Variants in GBF1 observed in about 807,000 individuals in gnomAD.
GBF1 encodes Golgi-specific brefeldin A-resistance guanine nucleotide exchange factor 1.
In GBF1, 114 loss-of-function variants were observed where a neutral mutation model predicts 210.5. That is an observed-to-expected ratio of 0.54 (90% CI 0.47 to 0.63). The LOEUF (loss-of-function observed/expected upper bound fraction) is 0.63. Among genes scored for constraint, GBF1 ranks in the 30% least tolerant of loss-of-function variants. The pLI is 0.00. For synonymous variants in GBF1, 850 were observed against 889.2 expected (o/e 0.96, Z 0.78); for missense variants, 1,851 against 2,357.7 (o/e 0.79, Z 4.45).
At chr10:102,376,249 G>T (rs1213913017) in intron 30 of GBF1, 23 bp from the exon 31 acceptor site, 4 of 1,608,310 alleles carry the variant, frequency 2.5e-6, no homozygotes, top group Middle Eastern at 1.7e-4. Flanking sequence ...CCCTGACTCT[G>T]CCCTTCTCCC....
chr10:102,366,236 TAGGGA>T lies in GBF1; in HGVS notation c.2310-146_2310-142del. 11 of 739,326 alleles carry T rather than the reference TAGGGA, an allele frequency of 1.5e-5. No homozygotes were observed. The highest frequency in any genetic ancestry group is 2.5e-5 in the Non-Finnish European group (11 of 438,808). The allele number at this position is 739,326 out of a possible 1,614,324, so 45.8% of individuals were successfully genotyped here. Reference sequence around the variant, plus strand: ...AAAGTATTAAGGCTAGGGGTTGTGTTAGGGATGAACAGGAGATACTGCCCCTTTAC... The same window carrying T: ...AAAGTATTAAGGCTAGGGGTTGTGTTTGAACAGGAGATACTGCCCCTTTAC... On this transcript the variant is annotated intron_variant, in intron 18 of 39. Transcript: ENST00000369983. The surrounding 1 kb of genome is among the most constrained non-coding windows in gnomAD (Gnocchi z 4.0).
At chr10:102,345,309 AATG>A (rs2058468954) in intron 4 of GBF1, among the ~76,000 whole-genome samples, 2 of 151,736 alleles carry the variant, frequency 1.3e-5, no homozygotes, top group South Asian at 4.2e-4. Context: ...AATAGAATAA[AATG>A]AAATAAAAAT....
intron 14 of GBF1, 97 bp from the exon 15 acceptor site, chr10:102,362,378 A>G (rs1305177121): frequency 2.3e-6 from 2 of 877,266 alleles, no homozygotes; most frequent in Non-Finnish European, 3.7e-6. Context: ...TCTAAGGGCA[A>G]TGTACAAGTT....
intron 3 of GBF1, among the ~76,000 whole-genome samples, chr10:102,276,505 G>A (rs1312465061): frequency 6.9e-6 from 1 of 144,380 alleles, no homozygotes; most frequent in East Asian, 2.0e-4. Flanking sequence ...CAGCCTGGGC[G>A]ACAGAGCTAG....
At chr10:102,305,101 G>A (rs2077730078) in intron 3 of GBF1, among the ~76,000 whole-genome samples, 1 of 152,086 alleles carries the variant, frequency 6.6e-6, no homozygotes, top group South Asian at 2.1e-4. Flanking sequence ...GAAGGATTGA[G>A]ATCAGGCATT....
Position 102,371,016 on chromosome 10 carries a change from A to T in GBF1, c.3660+156A>T, listed in dbSNP as rs544930395. Among the ~76,000 whole-genome samples the T allele has an allele frequency of 3.3e-5, 5 of 152,290 alleles. No homozygotes were observed. The South Asian group carries it at 1.0e-3, about 32-fold the overall frequency. ...GGGCTGGTGCAGTCTAGCGGGTGGT[A>T]CTGGGAGTGAGCCTGGAATGGCCTC... On this transcript the variant is annotated intron_variant, in intron 29 of 39. Transcript: ENST00000369983.
At chr10:102,277,429 A>C (rs1293672391) in intron 3 of GBF1, among the ~76,000 whole-genome samples, 25 of 146,150 alleles carry the variant, frequency 1.7e-4, no homozygotes, top group African/African-American at 6.1e-4. Flanking sequence ...TCGCTCTGTC[A>C]CCCAGGCTGG....
At chr10:102,340,536 G>A (rs1447371047) in intron 3 of GBF1, among the ~76,000 whole-genome samples, 1 of 151,200 alleles carries the variant, frequency 6.6e-6, no homozygotes, top group Non-Finnish European at 1.5e-5. Flanking sequence ...GCCTCCCAAA[G>A]TGCTGGGATT....
chr10:102,252,024 A>C (rs746881746), intron 1 of GBF1, among the ~76,000 whole-genome samples: 13 of 152,042 alleles, frequency 8.6e-5, no homozygotes, highest in Non-Finnish European at 1.6e-4. Context: ...CCCCAACTCT[A>C]CTAAAAATAC....
At chr10:102,265,624 A>G (rs2073779572) in intron 3 of GBF1, among the ~76,000 whole-genome samples, 1 of 152,242 alleles carries the variant, frequency 6.6e-6, no homozygotes, top group Middle Eastern at 3.4e-3. Flanking sequence ...GTTCGAGGTT[A>G]CAGTGACCCA....
chr10:102,306,974 C>T (rs1392497702), intron 3 of GBF1, among the ~76,000 whole-genome samples: 1 of 152,152 alleles, frequency 6.6e-6, no homozygotes, highest in African/African-American at 2.4e-5. Flanking sequence ...TCTGTAATGA[C>T]CATGGAAAGC....
In GBF1 at chr10:102,379,573, G is replaced by T. The variant is rs371868617; in HGVS notation, c.4698G>T (p.Leu1566=). 6.2e-6 allele frequency: 10 copies of T among 1,613,882 alleles called. No individual in the cohort carries two copies. The highest frequency in any genetic ancestry group is 1.1e-5 in the South Asian group (1 of 91,056). The change falls in exon 35 of 40, where the codon CTG becomes CTT. Residue 1566 remains leucine, a synonymous_variant. Transcript: ENST00000369983. ...GGCGCCAGGTACGGATGCAGGCACT[G>T]ACCTATCTGCAGCGAGCACTACTTG... ...DARRQVRMQA[L]TYLQRALLVH...
chr10:102,276,525 C>CAAAA (rs67888654), intron 3 of GBF1, among the ~76,000 whole-genome samples: 1 of 113,564 alleles, frequency 8.8e-6, no homozygotes, highest in Non-Finnish European at 1.8e-5. Context: ...GACTCTGCCT[C>CAAAA]AAAAAAAAAA....
chr10:102,232,492 G>A, the GBF1 span, among the ~76,000 whole-genome samples: 66 of 152,286 alleles, frequency 4.3e-4, no homozygotes, highest in Non-Finnish European at 2.5e-4. Flanking sequence ...AGACCAGCCT[G>A]GCCAACATGG....
chr10:102,311,311 G>A (rs1435919552), intron 3 of GBF1, among the ~76,000 whole-genome samples: 1 of 152,220 alleles, frequency 6.6e-6, no homozygotes, highest in East Asian at 1.9e-4. Context: ...CTTAAGAAAG[G>A]CTAACGCGGC....
intron 3 of GBF1, among the ~76,000 whole-genome samples, chr10:102,262,815 C>G (rs143956472): frequency 1.3e-5 from 2 of 152,190 alleles, no homozygotes; most frequent in Non-Finnish European, 2.9e-5. Flanking sequence ...GATTTCCTTA[C>G]GTCCTTGGGT....
Position 102,328,174 on chromosome 10 carries a change from T to G in GBF1, c.164-15877T>G, listed in dbSNP as rs565819941. ...CATAAAGTTCTTGAGCCTTTTAGCA[T>G]GAGGGTGGCTGAAACAGCATAAAGA... On this transcript the variant is annotated intron_variant, in intron 3 of 39. Transcript: ENST00000369983. Among the ~76,000 whole-genome samples the G allele has an allele frequency of 5.0e-4, 76 of 152,274 alleles. 1 individual carries two copies. In the South Asian group the frequency reaches 7.7e-3, roughly 15 times the overall value.
intron 3 of GBF1, among the ~76,000 whole-genome samples, chr10:102,328,079 A>G (rs970163670): frequency 6.6e-6 from 1 of 152,218 alleles, no homozygotes; most frequent in African/African-American, 2.4e-5. Context: ...TGATTACCAT[A>G]CTTATCCTAG....
intron 33 of GBF1, 140 bp from the exon 34 acceptor site, chr10:102,379,144 A>T (rs897393000): frequency 2.8e-6 from 2 of 707,454 alleles, no homozygotes; most frequent in Non-Finnish European, 4.7e-6. Flanking sequence ...GTCAAGGGAA[A>T]GAGTAGCGAG....
Sources: allele counts gnomAD v4.1 joint callset (sites outside exome capture counted in the v4.1 genomes callset), GRCh38; gene constraint gnomAD v4.1.1; non-coding constraint Gnocchi (gnomAD v3.1); transcripts MANE v1.5; gene names NCBI Gene and HGNC (gene_info 2026-07-23, HGNC 2026-07-21).